The following NRROS variants were observed in gnomAD, a reference collection of about 807,000 sequenced individuals.
The protein encoded by NRROS is negative regulator of reactive oxygen species, also known as transforming growth factor beta activator LRRC33.
In NRROS, 6 loss-of-function variants were observed where a neutral mutation model predicts 12.0. The ratio of observed to expected loss-of-function variants is 0.50; its 90% CI spans 0.27 to 0.98. NRROS has a LOEUF of 0.98. Ranked by LOEUF, NRROS falls within the 50% of genes least tolerant of loss-of-function variation. The pLI is 0.11. For synonymous variants in NRROS, 462 were observed against 410.2 expected, an observed-to-expected ratio of 1.13 and a Z score of -1.53; for missense variants, 857 against 888.2, an observed-to-expected ratio of 0.96 and a Z score of 0.45.
rs145772290 is a variant in NRROS, at chr3:196,660,565, G to C, written c.922G>C (p.Gly308Arg). The C allele has an allele frequency of 3.1e-6, 5 of 1,613,986 alleles. No individual in the cohort carries two copies. The highest frequency in any genetic ancestry group is 2.7e-5 in the African/African-American group (2 of 74,896). ...GGTGGCCCAGTTCCTCCTCGTGGAC[G>C]GCAACGTGACCAACATCACCACCGT... ...EMVAQFLLVD[G>R]NVTNITTVSL... The change falls in exon 3 of 3, where the codon GGC becomes CGC. Residue 308 changes from glycine (G) to arginine (R), a missense_variant. Physicochemically the swap from Gly to Arg is moderately radical, Grantham distance 125. Coordinates refer to ENST00000328557, the MANE Select transcript of NRROS (RefSeq NM_198565.3). This position sits in a 1 kb window ranked among gnomAD's most constrained non-coding sequence, Gnocchi z 7.7.
intron 2 of NRROS, among the ~76,000 whole-genome samples, chr3:196,658,247 AGTATG>A (rs1249702245): frequency 6.6e-6 from 1 of 152,252 alleles, no homozygotes; most frequent in Non-Finnish European, 1.5e-5. Context: ...CAGTTTGCAC[AGTATG>A]GTCTTATTTT....
At chr3:196,645,452 T>C (rs1489942482) in intron 1 of NRROS, among the ~76,000 whole-genome samples, 1 of 152,146 alleles carries the variant, frequency 6.6e-6, no homozygotes, top group Non-Finnish European at 1.5e-5. Flanking sequence ...ATTGACCAAG[T>C]GTGAAATGGA....
At chr3:196,655,674 AG>A (rs1203085708) in intron 2 of NRROS, among the ~76,000 whole-genome samples, 1 of 152,202 alleles carries the variant, frequency 6.6e-6, no homozygotes, top group African/African-American at 2.4e-5. Context: ...AGGCTTACAC[AG>A]CTGCGGGGAG....
intron 2 of NRROS, among the ~76,000 whole-genome samples, chr3:196,658,315 G>T (rs1476350496): frequency 6.6e-6 from 1 of 152,224 alleles, no homozygotes; most frequent in Non-Finnish European, 1.5e-5. Flanking sequence ...GAAAGACATG[G>T]AACAGAAGGT....
At chr3:196,651,176 A>C (rs542836956) in intron 1 of NRROS, among the ~76,000 whole-genome samples, 3 of 152,300 alleles carry the variant, frequency 2.0e-5, no homozygotes, top group African/African-American at 7.2e-5. Context: ...CTGCAGCTAC[A>C]CACTCTACGA....
intron 1 of NRROS, among the ~76,000 whole-genome samples, chr3:196,651,504 C>T (rs114335040): frequency 0.033 from 4,975 of 152,200 alleles, 265 homozygotes; most frequent in African/African-American, 0.11. Flanking sequence ...CCATGACTCA[C>T]GCCTGTAATC....
At chr3:196,658,529 C>G (rs913873309) in intron 2 of NRROS, among the ~76,000 whole-genome samples, 1 of 152,210 alleles carries the variant, frequency 6.6e-6, no homozygotes, top group African/African-American at 2.4e-5. Context: ...CTTCTTCTAA[C>G]CTCTCTCTCG....
In NRROS at chr3:196,661,531, G is replaced by T. The variant is rs78670696; in HGVS notation, c.1888G>T (p.Val630Leu). The T allele has an allele frequency of 2.4e-3, 3,815 of 1,613,786 alleles. 12 individuals carry two copies. The highest frequency in any genetic ancestry group is 2.8e-3 in the Non-Finnish European group (3,259 of 1,179,804). Residue 630 changes from valine (V) to leucine (L), a missense_variant, in exon 3 of 3, where the codon GTG becomes TTG. Transcript: ENST00000328557. ...CAACCTCTCCTCCAAGATCATCCGC[G>T]TGACGGAGCTGCCCGGAGGTGTGCC... ...TCNLSSKIIR[V>L]TELPGGVPRD...
chr3:196,653,702 A>G (rs1299219711), intron 1 of NRROS, among the ~76,000 whole-genome samples: 1 of 152,210 alleles, frequency 6.6e-6, no homozygotes, highest in East Asian at 1.9e-4. Flanking sequence ...CACTAAGTTC[A>G]TCCACAACCT....
intron 1 of NRROS, among the ~76,000 whole-genome samples, chr3:196,652,850 C>A (rs1737456739): frequency 6.6e-6 from 1 of 152,162 alleles, no homozygotes; most frequent in Admixed American, 6.5e-5. Context: ...CCACCCCACA[C>A]CTGACAAGAG....
intron 2 of NRROS, among the ~76,000 whole-genome samples, chr3:196,657,419 C>T (rs1254385585): frequency 6.6e-6 from 1 of 151,908 alleles, no homozygotes; most frequent in Admixed American, 6.6e-5. Flanking sequence ...GCAACACCCA[C>T]TCACATAAAG....
intron 2 of NRROS, among the ~76,000 whole-genome samples, chr3:196,656,757 C>T (rs1737543561): frequency 6.6e-6 from 1 of 152,134 alleles, no homozygotes. Context: ...CTCTGCTTGA[C>T]ACTTTCTGGC....
intron 1 of NRROS, among the ~76,000 whole-genome samples, chr3:196,649,859 T>G (rs1321544603): frequency 1.3e-5 from 2 of 152,182 alleles, no homozygotes; most frequent in East Asian, 3.9e-4. Flanking sequence ...GCTTCTCTGA[T>G]TACTTTGAGG....
rs199943467 is a variant in NRROS at position 196,661,559 on chromosome 3, G to A, written c.1916G>A (p.Arg639Gln). The A allele has an allele frequency of 2.5e-5, 40 of 1,614,000 alleles. No homozygotes were observed. The highest frequency in any genetic ancestry group is 9.9e-5 in the South Asian group (9 of 91,080). Residue 639 changes from arginine to glutamine, a missense_variant, in exon 3 of 3, where the codon CGG becomes CAG. Transcript: ENST00000328557. ...RVTELPGGVP[R>Q]DCKWERLDLG... ...ACGGAGCTGCCCGGAGGTGTGCCTC[G>A]GGACTGCAAGTGGGAGCGGCTGGAC...
At chr3:196,659,540 C>T (rs1211212506) in intron 2 of NRROS, among the ~76,000 whole-genome samples, 1 of 152,050 alleles carries the variant, frequency 6.6e-6, no homozygotes, top group Non-Finnish European at 1.5e-5. Flanking sequence ...AACTCCTGAC[C>T]TCAAGTGATC....
intron 1 of NRROS, among the ~76,000 whole-genome samples, chr3:196,641,517 C>T (rs1737209458): frequency 6.6e-6 from 1 of 152,194 alleles, no homozygotes; most frequent in African/African-American, 2.4e-5. Flanking sequence ...CCCCAGCTTT[C>T]ATGTAATGAG....
chr3:196,655,223 A>G (rs949096044), intron 2 of NRROS, among the ~76,000 whole-genome samples: 1 of 142,538 alleles, frequency 7.0e-6, no homozygotes, highest in Non-Finnish European at 1.5e-5. Flanking sequence ...TGATGGGGCC[A>G]GACCTTGTCT....
intron 1 of NRROS, among the ~76,000 whole-genome samples, chr3:196,648,526 G>A (rs1737352806): frequency 2.0e-5 from 3 of 152,040 alleles, no homozygotes; most frequent in Admixed American, 1.3e-4. Context: ...CAGCATTTTG[G>A]GAGGCTGAGT....
chr3:196,640,626 G>T (rs1737188112), intron 1 of NRROS, among the ~76,000 whole-genome samples: 1 of 152,220 alleles, frequency 6.6e-6, no homozygotes, highest in Non-Finnish European at 1.5e-5. Context: ...CGTGGCCCCT[G>T]CATGTGGGCC....
Sources: allele counts gnomAD v4.1 joint callset (sites outside exome capture counted in the v4.1 genomes callset), GRCh38; gene constraint gnomAD v4.1.1; non-coding constraint Gnocchi (gnomAD v3.1); transcripts MANE v1.5; gene names NCBI Gene and HGNC (gene_info 2026-07-23, HGNC 2026-07-21).